The following NTM variants were observed in gnomAD, a reference collection of about 807,000 sequenced individuals.
NTM encodes the protein IgLON family member 2.
A neutral mutation model predicts 42.1 loss-of-function variants in NTM; 13 were observed. The observed-to-expected ratio is 0.31, with a 90% CI of 0.20 to 0.49. The LOEUF is 0.49. Among genes scored for constraint, NTM ranks in the 20% least tolerant of loss-of-function variants. NTM has a pLI of 0.99. For synonymous variants in NTM, 187 were observed against 179.2 expected (o/e 1.04, Z -0.35); for missense variants, 373 against 452.8 (o/e 0.82, Z 1.60).
At chr11:131,936,829 A>G (rs374408497) in intron 2 of NTM, among the ~76,000 whole-genome samples, 16 of 152,308 alleles carry the variant, frequency 1.1e-4, no homozygotes, top group African/African-American at 3.6e-4. Context: ...ATCACTTACT[A>G]TGTATCAGGC....
chr11:132,334,873 G>C, intron 8 of NTM, 173 bp from the exon 9 acceptor site: 2 of 593,286 alleles, frequency 3.4e-6, no homozygotes, highest in Non-Finnish European at 4.2e-6. Context: ...TGTGTGTCTT[G>C]GGGATGTGGG....
intron 1 of NTM, among the ~76,000 whole-genome samples, chr11:131,559,707 T>C (rs73580256): frequency 0.073 from 11,052 of 152,282 alleles, 497 homozygotes; most frequent in African/African-American, 0.11. Flanking sequence ...CTAGGGCTAG[T>C]GGAGCAACCT....
intron 3 of NTM, among the ~76,000 whole-genome samples, chr11:132,184,233 G>A (rs1207563955): frequency 6.6e-6 from 1 of 152,192 alleles, no homozygotes; most frequent in African/African-American, 2.4e-5. Flanking sequence ...CACCAAGGCA[G>A]AGAAAAGAGG....
Position 131,403,536 on chromosome 11 carries a change from T to C in NTM, c.82+32648T>C, listed in dbSNP as rs192431130. 1.4e-4 allele frequency among the ~76,000 whole-genome samples: 21 copies of C among 152,098 alleles called. No homozygotes were observed. In the East Asian group the frequency reaches 3.9e-3, roughly 28 times the overall value. On this transcript the variant is annotated intron_variant, in intron 1 of 8. Transcript: ENST00000683400. ...AGAAACAAACAAACAAACAACAAGA[T>C]CAACAACAAAAAACCCAATGTGGTC...
intron 1 of NTM, among the ~76,000 whole-genome samples, chr11:131,819,522 C>G (rs538563368): frequency 8.5e-5 from 13 of 152,320 alleles, no homozygotes; most frequent in African/African-American, 2.9e-4. Flanking sequence ...GAGAGACATA[C>G]ATAAAAAATC....
intron 1 of NTM, among the ~76,000 whole-genome samples, chr11:131,705,974 T>TC (rs895906355): frequency 2.0e-5 from 3 of 151,978 alleles, no homozygotes; most frequent in Admixed American, 2.0e-4. Flanking sequence ...CCAGAACAAG[T>TC]CCTTATCTAT....
intron 4 of NTM, among the ~76,000 whole-genome samples, chr11:132,250,765 A>G (rs941726420): frequency 6.6e-6 from 1 of 151,768 alleles, no homozygotes; most frequent in Non-Finnish European, 1.5e-5. Flanking sequence ...TTATTTTCCA[A>G]TATTATTAGT....
intron 1 of NTM, among the ~76,000 whole-genome samples, chr11:131,736,302 C>T (rs910911025): frequency 6.6e-6 from 1 of 152,182 alleles, no homozygotes; most frequent in African/African-American, 2.4e-5. Context: ...GTAGTCACAG[C>T]TCTCCTTCAC....
At chr11:131,892,137 C>T (rs776545868) in intron 1 of NTM, among the ~76,000 whole-genome samples, 1 of 152,124 alleles carries the variant, frequency 6.6e-6, no homozygotes, top group Non-Finnish European at 1.5e-5. Flanking sequence ...TCTCCTCTTC[C>T]TCCTCCTCTT....
At chr11:131,800,707 G>A (rs925620024) in intron 1 of NTM, among the ~76,000 whole-genome samples, 7 of 152,140 alleles carry the variant, frequency 4.6e-5, no homozygotes, top group South Asian at 2.1e-4. Flanking sequence ...CTTCTCCCCC[G>A]CTCTATGGTT....
chr11:131,460,655 C>A (rs12275678), intron 1 of NTM, among the ~76,000 whole-genome samples: 1 of 152,022 alleles, frequency 6.6e-6, no homozygotes, highest in African/African-American at 2.4e-5. Flanking sequence ...CGGGTTCAAG[C>A]GATTCTCCTG....
At chr11:131,456,474 A>T (rs11222631) in intron 1 of NTM, among the ~76,000 whole-genome samples, 9,226 of 152,178 alleles carry the variant, frequency 0.061, 648 homozygotes, top group East Asian at 0.21. Context: ...TCATCAAGCC[A>T]GCTAAAGTCG....
chr11:131,913,293 G>C (rs2055596174), intron 2 of NTM, among the ~76,000 whole-genome samples: 1 of 152,190 alleles, frequency 6.6e-6, no homozygotes, highest in African/African-American at 2.4e-5. Flanking sequence ...CCCAGGGACA[G>C]AGACATTCTG....
chr11:131,448,546 T>A (rs775239828), intron 1 of NTM, among the ~76,000 whole-genome samples: 2 of 152,230 alleles, frequency 1.3e-5, no homozygotes, highest in Non-Finnish European at 2.9e-5. Context: ...CATGGAACTC[T>A]CATTCATGAG....
At chr11:131,851,951 TA>T (rs2136835212) in intron 1 of NTM, among the ~76,000 whole-genome samples, 1 of 152,312 alleles carries the variant, frequency 6.6e-6, no homozygotes, top group Admixed American at 6.5e-5. Flanking sequence ...TTTAATCCCC[TA>T]AATCAATTTG....
At chr11:132,162,299 G>A (rs1794464993) in intron 3 of NTM, among the ~76,000 whole-genome samples, 1 of 151,660 alleles carries the variant, frequency 6.6e-6, no homozygotes, top group Non-Finnish European at 1.5e-5. Flanking sequence ...GTGTATGTGT[G>A]AAGAGCGTGT....
chr11:131,390,438 ACTGAGT>A (rs1210158990), intron 1 of NTM, among the ~76,000 whole-genome samples: 1 of 152,184 alleles, frequency 6.6e-6, no homozygotes, highest in Non-Finnish European at 1.5e-5. Context: ...GGAAGGGGAA[ACTGAGT>A]CTTGGCTACA....
intron 2 of NTM, among the ~76,000 whole-genome samples, chr11:132,124,688 C>T (rs1351917072): frequency 6.6e-6 from 1 of 152,192 alleles, no homozygotes. Flanking sequence ...ATATAAAGCT[C>T]CACAATGGCT....
intron 1 of NTM, among the ~76,000 whole-genome samples, chr11:131,685,570 G>A (rs941833922): frequency 9.2e-5 from 14 of 152,196 alleles, no homozygotes; most frequent in Non-Finnish European, 4.4e-5. Flanking sequence ...TCTGCTGGCA[G>A]TGCTCCGCCC....
Sources: gnomAD v4.1 joint callset for allele counts (sites outside exome capture counted in the v4.1 genomes callset) on GRCh38, gnomAD v4.1.1 for gene constraint, MANE v1.5 for transcripts, NCBI Gene and HGNC (gene_info 2026-07-23, HGNC 2026-07-21) for gene names.